The following NCOA2 variants were observed in gnomAD, a reference collection of about 807,000 sequenced individuals.
NCOA2 encodes nuclear receptor coactivator 2, also known as class E basic helix-loop-helix protein 75.
A neutral mutation model predicts 145.1 loss-of-function variants in NCOA2; 21 were observed. That is an observed-to-expected ratio of 0.14 (90% CI 0.10 to 0.21). NCOA2 has a LOEUF of 0.21. Among genes scored for constraint, NCOA2 ranks in the 10% least tolerant of loss-of-function variants. NCOA2 has a pLI of 1.00. For missense variants in NCOA2, 1,472 were observed against 1,837.6 expected (o/e 0.80, Z 3.64); for synonymous variants, 619 against 637.5 (o/e 0.97, Z 0.44).
At chr8:70,364,744 A>G (rs1303918581) in intron 1 of NCOA2, among the ~76,000 whole-genome samples, 1 of 151,278 alleles carries the variant, frequency 6.6e-6, no homozygotes, top group Non-Finnish European at 1.5e-5. Context: ...CAATACTTAA[A>G]AAAAAAAAAA....
intron 1 of NCOA2, among the ~76,000 whole-genome samples, chr8:70,388,347 C>T (rs948326943): frequency 1.3e-5 from 2 of 152,136 alleles, no homozygotes; most frequent in African/African-American, 4.8e-5. Context: ...CTGTCTTCAT[C>T]CTATGCATAG....
chr8:70,234,891 T>C (rs60986487), intron 2 of NCOA2, among the ~76,000 whole-genome samples: 8,724 of 152,232 alleles, frequency 0.057, 843 homozygotes, highest in African/African-American at 0.2. Flanking sequence ...TTCTATACCA[T>C]AGGTTCCCAA....
At chr8:70,208,091 TA>T (rs902551119) in intron 4 of NCOA2, among the ~76,000 whole-genome samples, 15 of 150,974 alleles carry the variant, frequency 9.9e-5, no homozygotes, top group Admixed American at 9.2e-4. Flanking sequence ...TCTCTGAAAA[TA>T]AAAAAATAAA....
chr8:70,143,740 G>A (rs1365598964), intron 13 of NCOA2, among the ~76,000 whole-genome samples: 2 of 152,154 alleles, frequency 1.3e-5, no homozygotes, highest in Non-Finnish European at 2.9e-5. Context: ...AGGGATACAG[G>A]CTTGGCTAAA....
intron 2 of NCOA2, among the ~76,000 whole-genome samples, chr8:70,261,884 A>G (rs940819201): frequency 2.6e-5 from 4 of 152,124 alleles, no homozygotes; most frequent in African/African-American, 9.7e-5. Flanking sequence ...AAAATTTTAA[A>G]AAGTACAAAA....
chr8:70,162,572 A>G (rs1813151224), intron 9 of NCOA2, 139 bp downstream of exon 9: 2 of 796,756 alleles, frequency 2.5e-6, no homozygotes, highest in Non-Finnish European at 3.7e-6. Flanking sequence ...ATTTTCCTTT[A>G]GATGGCAACA....
At chr8:70,306,704 C>T (rs539936409) in intron 1 of NCOA2, among the ~76,000 whole-genome samples, 1 of 152,130 alleles carries the variant, frequency 6.6e-6, no homozygotes, top group African/African-American at 2.4e-5. Context: ...CAAGGCGAAA[C>T]GTCGTCTCTA....
Position 70,352,462 on chromosome 8 carries a change from A to T in NCOA2, c.-77+51238T>A, listed in dbSNP as rs563341507. Among the ~76,000 whole-genome samples the T allele has an allele frequency of 6.6e-4, 100 of 152,358 alleles. 1 individual carries two copies. The highest frequency in any genetic ancestry group is 2.4e-3 in the African/African-American group (99 of 41,570). ...CATATAACAAGATAATTCCAGCACA[A>T]CAGTTAAAGTTCTACCAATTTTCCT... On this transcript the variant is annotated intron_variant, in intron 1 of 22. Coordinates refer to ENST00000452400, the MANE Select transcript of NCOA2 (RefSeq NM_006540.4).
intron 1 of NCOA2, among the ~76,000 whole-genome samples, chr8:70,319,230 G>A (rs1235141479): frequency 6.6e-6 from 1 of 152,030 alleles, no homozygotes; most frequent in Non-Finnish European, 1.5e-5. Context: ...CTTGGATGAT[G>A]TTTCTGAAAT....
intron 1 of NCOA2, among the ~76,000 whole-genome samples, chr8:70,394,818 G>T (rs1022554171): frequency 6.6e-6 from 1 of 152,060 alleles, no homozygotes; most frequent in Non-Finnish European, 1.5e-5. Flanking sequence ...TGTAATACTC[G>T]ATCCTACTAC....
chr8:70,390,492 C>T (rs1813092326), intron 1 of NCOA2, among the ~76,000 whole-genome samples: 1 of 152,082 alleles, frequency 6.6e-6, no homozygotes, highest in South Asian at 2.1e-4. Context: ...TGAGGCCAGG[C>T]ACAGTGCCTC....
chr8:70,369,653 T>C (rs1811034810), intron 1 of NCOA2, among the ~76,000 whole-genome samples: 1 of 152,126 alleles, frequency 6.6e-6, no homozygotes, highest in East Asian at 1.9e-4. Flanking sequence ...ATTTGAGATA[T>C]CACCAAGCAA....
At chr8:70,348,402 GTTC>G (rs1431451146) in intron 1 of NCOA2, among the ~76,000 whole-genome samples, 3 of 152,178 alleles carry the variant, frequency 2.0e-5, no homozygotes, top group Admixed American at 2.0e-4. Context: ...TAAAGAGTTT[GTTC>G]TTATTTTAGC....
intron 2 of NCOA2, among the ~76,000 whole-genome samples, chr8:70,220,271 C>T (rs977669973): frequency 1.3e-5 from 2 of 152,160 alleles, no homozygotes; most frequent in Admixed American, 1.3e-4. Context: ...ATCTCACTCT[C>T]AATGCTGAAA....
At chr8:70,218,410 A>T (rs1396526721) in intron 2 of NCOA2, among the ~76,000 whole-genome samples, 2 of 152,074 alleles carry the variant, frequency 1.3e-5, no homozygotes, top group Non-Finnish European at 2.9e-5. Flanking sequence ...TTGGCCTGAT[A>T]ATAAGTATAA....
At chr8:70,355,134 C>T (rs750300509) in intron 1 of NCOA2, among the ~76,000 whole-genome samples, 1 of 152,212 alleles carries the variant, frequency 6.6e-6, no homozygotes, top group Non-Finnish European at 1.5e-5. Flanking sequence ...AATTGTACTT[C>T]TATCTCTATT....
rs911504754 is a variant in NCOA2 at position 70,139,644 on chromosome 8, C to CTTTTTTTT, written c.3029-1320_3029-1313dup. 2.3e-4 allele frequency among the ~76,000 whole-genome samples: 21 copies of CTTTTTTTT among 91,856 alleles called. 3 individuals carry two copies. Among genetic ancestry groups the CTTTTTTTT allele is most frequent in the African/African-American group, 1.1e-3 (21 of 19,612 alleles). 60.3% of individuals were successfully genotyped at this position (91,856 alleles called of 152,430 possible). A position where few individuals can be genotyped will look rare whatever the true frequency, so the allele number is the denominator to read the frequency against. On this transcript the variant is annotated intron_variant, in intron 14 of 22. Coordinates refer to ENST00000452400, the MANE Select transcript of NCOA2 (RefSeq NM_006540.4). Reference sequence around the variant, plus strand: ...GTCTTGTCAAAACAACGCTGGCCATCTTTTTTTTTTTTTTTTTTTTTTTTT... The same window carrying CTTTTTTTT: ...GTCTTGTCAAAACAACGCTGGCCATCTTTTTTTTTTTTTTTTTTTTTTTTTTTTTTTTT...
chr8:70,322,894 T>C (rs1363110239), intron 1 of NCOA2, among the ~76,000 whole-genome samples: 1 of 152,180 alleles, frequency 6.6e-6, no homozygotes, highest in Non-Finnish European at 1.5e-5. Flanking sequence ...TTCAAAGAAT[T>C]TGTTATCAAG....
At chr8:70,122,290 C>T (rs910866393) in intron 21 of NCOA2, among the ~76,000 whole-genome samples, 2 of 152,202 alleles carry the variant, frequency 1.3e-5, no homozygotes, top group African/African-American at 4.8e-5. Flanking sequence ...TGATCTGTTA[C>T]CCAGGCTGGA....
Sources: allele counts gnomAD v4.1 joint callset (sites outside exome capture counted in the v4.1 genomes callset), GRCh38; gene constraint gnomAD v4.1.1; transcripts MANE v1.5; gene names NCBI Gene and HGNC (gene_info 2026-07-23, HGNC 2026-07-21).